Variants in PPP6R2 observed in about 807,000 individuals in gnomAD.
The protein encoded by PPP6R2 is protein phosphatase 6 regulatory subunit 2, also known as serine/threonine-protein phosphatase 6 regulatory subunit 2.
In PPP6R2, 62 loss-of-function variants were observed where a neutral mutation model predicts 100.2. The observed-to-expected ratio is 0.62, with a 90% CI of 0.50 to 0.76. The LOEUF is 0.76. Among genes scored for constraint, PPP6R2 ranks in the 30% least tolerant of loss-of-function variants. The pLI is 0.00. For missense variants in PPP6R2, 1,142 were observed against 1,276.3 expected, an observed-to-expected ratio of 0.89 and a Z score of 1.60; for synonymous variants, 525 against 514.7, an observed-to-expected ratio of 1.02 and a Z score of -0.27.
chr22:50,368,584 A>G (rs958663755), intron 1 of PPP6R2, among the ~76,000 whole-genome samples: 3 of 152,230 alleles, frequency 2.0e-5, no homozygotes, highest in Non-Finnish European at 4.4e-5. Context: ...TATTTCTAGT[A>G]TAACTATTCT....
At chr22:50,356,212 C>CAT (rs2148219293) in intron 1 of PPP6R2, among the ~76,000 whole-genome samples, 1 of 152,218 alleles carries the variant, frequency 6.6e-6, no homozygotes, top group Admixed American at 6.5e-5. Context: ...GATCTGCCTG[C>CAT]CTCGGCCTCC....
the PPP6R2 span, among the ~76,000 whole-genome samples, chr22:50,336,909 G>A: frequency 1.3e-5 from 2 of 152,086 alleles, no homozygotes; most frequent in African/African-American, 4.8e-5. Context: ...CTCTCGCTGT[G>A]TTGCCCAGGC....
rs899408077 is a variant in PPP6R2, at chr22:50,396,257, G to C, written c.227+2122G>C. 2.7e-5 allele frequency among the ~76,000 whole-genome samples: 4 copies of C among 149,146 alleles called. No homozygotes were observed. The Admixed American group carries it at 2.7e-4, about 10-fold the overall frequency. On this transcript the variant is annotated intron_variant, in intron 3 of 23. Coordinates refer to ENST00000612753, the MANE Select transcript of PPP6R2 (RefSeq NM_001242898.2). ...CACACCTGTAATCCCAACACTTTGG[G>C]AGGCCAAGGCGGGCAGATCACGAGG...
upstream of PPP6R2, among the ~76,000 whole-genome samples, chr22:50,340,400 TGGTGTGTGTGTAG>T (rs2042359096): frequency 1.5e-5 from 2 of 132,542 alleles, no homozygotes; most frequent in Non-Finnish European, 3.2e-5. Flanking sequence ...GTGGTGTGTG[TGGTGTGTGTGTAG>T]GGTGTGTGTG....
chr22:50,442,893 A>G lies in PPP6R2; in HGVS notation c.2580-973A>G, dbSNP rs368775187. ...TAACAGTCTTTACCCTGCCAGGCAC[A>G]GTGGCTCACGCCTGTAATCCCAGCA... is the stretch of plus-strand genomic sequence containing the variant. On this transcript the variant is annotated intron_variant, in intron 22 of 23. Transcript: ENST00000612753. 2.0e-4 allele frequency among the ~76,000 whole-genome samples: 30 copies of G among 148,100 alleles called. No individual in the cohort carries two copies. The South Asian group carries it at 2.3e-3, about 12-fold the overall frequency.
intron 22 of PPP6R2, among the ~76,000 whole-genome samples, chr22:50,441,575 G>A (rs1296883743): frequency 1.3e-5 from 2 of 152,190 alleles, no homozygotes; most frequent in Admixed American, 6.5e-5. Context: ...GATGGGGGGC[G>A]GCGGCCTCAG....
chr22:50,350,238 C>T (rs564843789), intron 1 of PPP6R2, among the ~76,000 whole-genome samples: 1 of 152,078 alleles, frequency 6.6e-6, no homozygotes, highest in South Asian at 2.1e-4. Flanking sequence ...AGTTCTGTTA[C>T]TTATTTTTTG....
At chr22:50,380,716 G>A (rs867515357) in intron 2 of PPP6R2, among the ~76,000 whole-genome samples, 4 of 151,020 alleles carry the variant, frequency 2.6e-5, no homozygotes, top group Non-Finnish European at 4.4e-5. Flanking sequence ...CTGGCCGGGT[G>A]CGGTGGCTCA....
At chr22:50,369,945 C>T (rs372799277) in intron 1 of PPP6R2, among the ~76,000 whole-genome samples, 16 of 144,260 alleles carry the variant, frequency 1.1e-4, no homozygotes, top group Non-Finnish European at 2.1e-4. Context: ...GGCAAGGTCT[C>T]GCTGTGTTGC....
At chr22:50,361,783 GCTGT>G (rs1259150753) in intron 1 of PPP6R2, among the ~76,000 whole-genome samples, 1 of 152,046 alleles carries the variant, frequency 6.6e-6, no homozygotes, top group Non-Finnish European at 1.5e-5. Flanking sequence ...GCATAGGTGC[GCTGT>G]CTGTCTTGTG....
rs371475289 is a variant in PPP6R2, at chr22:50,441,273, G to C, written c.2579+247G>C. 6.4e-4 allele frequency among the ~76,000 whole-genome samples: 97 copies of C among 152,332 alleles called. 1 individual carries two copies. The South Asian group carries it at 0.013, about 20-fold the overall frequency. On this transcript the variant is annotated intron_variant, in intron 22 of 23. Coordinates refer to ENST00000612753, the MANE Select transcript of PPP6R2 (RefSeq NM_001242898.2). ...TCGTGGACAGAACATCGTGTTCTCT[G>C]TTGTGAGTGGTTAAGACAAGAAGAC...
At chr22:50,359,368 A>G (rs1022682142) in intron 1 of PPP6R2, among the ~76,000 whole-genome samples, 2 of 151,536 alleles carry the variant, frequency 1.3e-5, no homozygotes, top group African/African-American at 2.4e-5. Flanking sequence ...ACAGGCGCCC[A>G]CCACCGCACC....
chr22:50,340,847 T>G (rs780964329), upstream of PPP6R2, among the ~76,000 whole-genome samples: 2 of 151,796 alleles, frequency 1.3e-5, no homozygotes, highest in Non-Finnish European at 2.9e-5. Context: ...CAGCAGGGAC[T>G]TTGTCGTTCA....
intron 2 of PPP6R2, among the ~76,000 whole-genome samples, chr22:50,389,548 CT>C (rs2054974408): frequency 1.4e-5 from 2 of 139,136 alleles, no homozygotes; most frequent in African/African-American, 2.9e-5. Flanking sequence ...CTGATGTGAT[CT>C]TTTTTTGTTT....
chr22:50,437,543 A>T lies in PPP6R2; in HGVS notation c.1721A>T (p.Asn574Ile). The T allele has an allele frequency of 6.9e-7, 1 of 1,440,966 alleles. No individual in the cohort carries two copies. The allele number at this position is 1,440,966 out of a possible 1,614,324, so 89.3% of individuals were successfully genotyped here. A position where few individuals can be genotyped will look rare whatever the true frequency, so the allele number is the denominator to read the frequency against. ...SDYQIQQMTA[N>I]FVDQFGFNDE... ...TACCAGATCCAGCAGATGACAGCCA[A>T]CTTCGTGGATCAGTTTGGCTTCAAT... Residue 574 changes from asparagine to isoleucine, a missense_variant, in exon 16 of 24, where the codon AAC (asparagine) becomes ATC (isoleucine). By Grantham distance (149) the Asn-to-Ile change is moderately radical. Coordinates refer to ENST00000612753, the MANE Select transcript of PPP6R2 (RefSeq NM_001242898.2).
chr22:50,424,724 G>A (rs535259710), intron 10 of PPP6R2, among the ~76,000 whole-genome samples: 2 of 132,904 alleles, frequency 1.5e-5, no homozygotes, highest in East Asian at 2.7e-4. Flanking sequence ...TGCAATCTCC[G>A]ACTCCCTGGT....
rs923535900 is a variant in PPP6R2, at chr22:50,431,867, G to A, written c.1336-398G>A. ...GTGATCTGTGTCAGGGCCTGGAGGTGAGAGAAAGTGCTGAGGGCAGACAGC... is the reference window on the plus strand; with the variant it reads ...GTGATCTGTGTCAGGGCCTGGAGGTAAGAGAAAGTGCTGAGGGCAGACAGC... On this transcript the variant is annotated intron_variant, in intron 11 of 23. Coordinates refer to ENST00000612753, the MANE Select transcript of PPP6R2 (RefSeq NM_001242898.2). This position sits in a 1 kb window ranked among gnomAD's most constrained non-coding sequence, Gnocchi z 4.8. Among the ~76,000 whole-genome samples, 10 of 152,172 alleles carry A rather than the reference G, an allele frequency of 6.6e-5. No individual in the cohort carries two copies. The highest frequency in any genetic ancestry group is 2.4e-4 in the African/African-American group (10 of 41,422).
At chr22:50,334,941 A>G in the PPP6R2 span, among the ~76,000 whole-genome samples, 2 of 151,996 alleles carry the variant, frequency 1.3e-5, no homozygotes, top group East Asian at 3.9e-4. Context: ...ACAGAGTGAG[A>G]CTCTGTGTCA....
chr22:50,343,368 AGTCGGTCTCGAGCCGCCGGCCGGCC>A lies in PPP6R2; in HGVS notation c.-327_-303del, dbSNP rs1332801492. 2 of 150,274 alleles carry A rather than the reference AGTCGGTCTCGAGCCGCCGGCCGGCC, an allele frequency of 1.3e-5. No individual in the cohort carries two copies. The highest frequency in any genetic ancestry group is 3.0e-5 in the Non-Finnish European group (2 of 67,404). 9.3% of individuals were successfully genotyped at this position (150,274 alleles called of 1,614,324 possible). A position where few individuals can be genotyped will look rare whatever the true frequency, so the allele number is the denominator to read the frequency against. ...GATCGGAGTGCCGCCCGCGGCCCCG[AGTCGGTCTCGAGCCGCCGGCCGGCC>A]GTGCCGGTGTCCGTAGGCGCTGCGC... On this transcript the variant is annotated 5_prime_UTR_variant, in exon 1 of 24. Coordinates refer to ENST00000612753, the MANE Select transcript of PPP6R2 (RefSeq NM_001242898.2).
Sources: gnomAD v4.1 joint callset for allele counts (sites outside exome capture counted in the v4.1 genomes callset) on GRCh38, gnomAD v4.1.1 for gene constraint, Gnocchi (gnomAD v3.1) non-coding constraint, MANE v1.5 for transcripts, NCBI Gene and HGNC (gene_info 2026-07-23, HGNC 2026-07-21) for gene names.